The following PCDHA9 variants were observed in gnomAD, a reference collection of about 807,000 sequenced individuals.
PCDHA9 encodes protocadherin alpha-9.
PCDHA9 carries 62 observed loss-of-function variants against 62.0 expected under a neutral mutation model. The ratio of observed to expected loss-of-function variants is 1.00; its 90% CI spans 0.81 to 1.23. The LOEUF (loss-of-function observed/expected upper bound fraction) is 1.23. Among genes scored for constraint, PCDHA9 ranks in the 50% most tolerant of loss-of-function variants. PCDHA9 has a pLI of 0.00. For synonymous variants in PCDHA9, 557 were observed against 567.6 expected (o/e 0.98, Z 0.27); for missense variants, 1,205 against 1,249.8 (o/e 0.96, Z 0.54).
intron 1 of PCDHA9, chr5:140,858,069 C>A: frequency 6.3e-7 from 1 of 1,597,662 alleles, no homozygotes; most frequent in Non-Finnish European, 8.6e-7. Flanking sequence ...GGCAGCCAGG[C>A]ACCCAAGGCC....
chr5:140,953,293 G>A (rs1410676265), intron 1 of PCDHA9, among the ~76,000 whole-genome samples: 3 of 152,084 alleles, frequency 2.0e-5, no homozygotes, highest in Admixed American at 2.0e-4. Context: ...GTGATTCAGG[G>A]ACGGCAGAGA....
rs1349053689 is a variant in PCDHA9 at position 140,855,989 on chromosome 5, A to C, written c.2394+5100A>C. The C allele has an allele frequency of 3.4e-6, 5 of 1,484,810 alleles. No homozygotes were observed. The African/African-American group carries it at 7.0e-5, about 21-fold the overall frequency. The allele number at this position is 1,484,810 out of a possible 1,614,324, so 92.0% of individuals were successfully genotyped here. ...TATAAGAAATAGGACAGAAAATGTCAGATCGTATGTGCGTTCTAGACCGCT... is the reference window on the plus strand; with the variant it reads ...TATAAGAAATAGGACAGAAAATGTCCGATCGTATGTGCGTTCTAGACCGCT... On this transcript the variant is annotated intron_variant, in intron 1 of 3. Transcript: ENST00000532602.
Position 140,882,583 on chromosome 5 carries a change from C to T in PCDHA9, c.2394+31694C>T, listed in dbSNP as rs143956549. ...GGCGGAGCGCGGAGTGCAGCATCCA[C>T]CTGGAGGTGATCGTGGACAGGCCTC... On this transcript the variant is annotated intron_variant, in intron 1 of 3. Coordinates refer to ENST00000532602, the MANE Select transcript of PCDHA9 (RefSeq NM_031857.2). 2.3e-3 allele frequency: 3,635 copies of T among 1,614,232 alleles called. 15 individuals are homozygous for T. Among genetic ancestry groups the T allele is most frequent in the Middle Eastern group, 9.6e-3 (58 of 6,060 alleles).
chr5:140,968,553 G>T (rs782583876), intron 1 of PCDHA9: 1 of 1,614,132 alleles, frequency 6.2e-7, no homozygotes. Context: ...ATGGTGCCTC[G>T]AACTGCCCCT....
intron 1 of PCDHA9, chr5:140,929,687 C>T (rs2086294433): frequency 3.5e-6 from 1 of 288,138 alleles, no homozygotes; most frequent in African/African-American, 2.2e-5. Flanking sequence ...ATGTAAGAGT[C>T]TGCTTTATAT....
At chr5:141,001,522 C>G (rs1554258201) in intron 3 of PCDHA9, among the ~76,000 whole-genome samples, 1 of 152,214 alleles carries the variant, frequency 6.6e-6, no homozygotes, top group African/African-American at 2.4e-5. Context: ...TTCTCCCTCT[C>G]TCTCTGATCC....
chr5:140,893,312 A>C (rs2063923388), intron 1 of PCDHA9, among the ~76,000 whole-genome samples: 1 of 152,106 alleles, frequency 6.6e-6, no homozygotes, highest in Non-Finnish European at 1.5e-5. Context: ...TAGTTTTTTG[A>C]GGGACTCCCA....
At chr5:140,944,724 C>G (rs246064) in intron 1 of PCDHA9, among the ~76,000 whole-genome samples, 85,713 of 151,920 alleles carry the variant, frequency 0.56, 24,798 homozygotes, top group African/African-American at 0.69. Flanking sequence ...CTTTGAACAC[C>G]TTAGTAAGTC....
intron 1 of PCDHA9, chr5:140,856,089 T>C: frequency 6.3e-7 from 1 of 1,596,782 alleles, no homozygotes; most frequent in Non-Finnish European, 8.6e-7. Flanking sequence ...CAGTGTCTGC[T>C]GCTCTCGCTT....
chr5:140,876,791 G>A (rs782617794), intron 1 of PCDHA9: 1 of 1,614,242 alleles, frequency 6.2e-7, no homozygotes, highest in Non-Finnish European at 8.5e-7. Context: ...GCCACGGCTA[G>A]AGTGTCCGTG....
At chr5:140,904,303 G>A (rs1176685220) in intron 1 of PCDHA9, among the ~76,000 whole-genome samples, 3 of 151,902 alleles carry the variant, frequency 2.0e-5, no homozygotes, top group African/African-American at 7.3e-5. Flanking sequence ...CCATTCCTGA[G>A]TTTCTTCACT....
At chr5:141,001,896 C>T (rs2098042458) in intron 3 of PCDHA9, among the ~76,000 whole-genome samples, 1 of 152,142 alleles carries the variant, frequency 6.6e-6, no homozygotes, top group Admixed American at 6.5e-5. Flanking sequence ...GAAATCGGGG[C>T]TGTTTGAAAA....
At chr5:141,003,160 C>T (rs1383713910) in intron 3 of PCDHA9, among the ~76,000 whole-genome samples, 3 of 152,200 alleles carry the variant, frequency 2.0e-5, no homozygotes. Context: ...CCTGATCAAT[C>T]CTAGTCCCTG....
intron 1 of PCDHA9, among the ~76,000 whole-genome samples, chr5:140,895,983 G>A (rs1186137755): frequency 1.3e-5 from 2 of 151,942 alleles, no homozygotes; most frequent in Non-Finnish European, 2.9e-5. Context: ...GCTAATTTTT[G>A]TATTTTAAGT....
At chr5:140,882,137 A>G in intron 1 of PCDHA9, 1 of 1,489,212 alleles carries the variant, frequency 6.7e-7, no homozygotes. Flanking sequence ...CCTGCAGAAA[A>G]TATAGCAGAA....
At chr5:140,863,208 C>T in intron 1 of PCDHA9, 2 of 990,676 alleles carry the variant, frequency 2.0e-6, no homozygotes, top group Non-Finnish European at 3.1e-6. Context: ...TGGCGGAGAG[C>T]AGCCAAGCGA....
intron 1 of PCDHA9, chr5:140,863,573 C>T (rs2048075555): frequency 5.4e-6 from 2 of 367,848 alleles, no homozygotes; most frequent in South Asian, 4.3e-5. Flanking sequence ...AATATAAGTA[C>T]TGTAATCCTG....
At position 140,849,549 on chromosome 5, in the gene PCDHA9, A is replaced by G. The variant is rs2150440230; in HGVS notation, c.1054A>G (p.Ile352Val). ...AAATGACAATGCTCCACAGTTGACT[A>G]TCAAAACGCTCTCGGTTCCTGTAAA... ...DVNDNAPQLT[I>V]KTLSVPVKED... is the part of the protein sequence containing the mutation. Residue 352 changes from isoleucine (I) to valine (V), a missense_variant, in exon 1 of 4, where the codon ATC becomes GTC. Transcript: ENST00000532602. 5 of 1,598,378 alleles carry G rather than the reference A, an allele frequency of 3.1e-6. 1 individual carries two copies. The South Asian group carries it at 3.3e-5, about 11-fold the overall frequency.
intron 1 of PCDHA9, among the ~76,000 whole-genome samples, chr5:140,937,096 G>A (rs1173485186): frequency 6.8e-6 from 1 of 146,810 alleles, no homozygotes; most frequent in Non-Finnish European, 1.5e-5. Context: ...GGAGTGCAGT[G>A]GCGCAGTCTC....
Sources: gnomAD v4.1 joint callset for allele counts (sites outside exome capture counted in the v4.1 genomes callset) on GRCh38, gnomAD v4.1.1 for gene constraint, MANE v1.5 for transcripts, NCBI Gene and HGNC (gene_info 2026-07-23, HGNC 2026-07-21) for gene names.